Variants in CALN1 observed in about 807,000 individuals in gnomAD.
CALN1 encodes the protein calneuron 1.
CALN1 carries 17 observed loss-of-function variants against 30.6 expected under a neutral mutation model. That is an observed-to-expected ratio of 0.56 (90% CI 0.38 to 0.83). The LOEUF is 0.83. Among genes scored for constraint, CALN1 ranks in the 40% least tolerant of loss-of-function variants. The probability of loss-of-function intolerance (pLI) is 0.00; values close to 1 mark genes in which losing one functional copy is unlikely to be tolerated. For missense variants in CALN1, 291 were observed against 354.9 expected (o/e 0.82, Z 1.45); for synonymous variants, 156 against 131.4 (o/e 1.19, Z -1.28).
At chr7:72,157,982 T>C (rs1787827725) in intron 3 of CALN1, among the ~76,000 whole-genome samples, 1 of 152,196 alleles carries the variant, frequency 6.6e-6, no homozygotes, top group South Asian at 2.1e-4. Flanking sequence ...TGACCTCAGC[T>C]GATCCACCCA....
intron 2 of CALN1, among the ~76,000 whole-genome samples, chr7:72,360,176 C>G (rs2860506): frequency 0.98 from 149,764 of 152,216 alleles, 73,716 homozygotes; most frequent in Middle Eastern, 1. Flanking sequence ...ATTTTGGCCT[C>G]CATTTACTTT....
At chr7:71,800,650 G>A (rs1350633109) in intron 6 of CALN1, among the ~76,000 whole-genome samples, 2 of 152,090 alleles carry the variant, frequency 1.3e-5, no homozygotes, top group African/African-American at 4.8e-5. Context: ...GCAATGAAAT[G>A]GAAAATGAGC....
rs1792802472 is a variant in CALN1, at chr7:71,783,078, ATTC to A, written c.*4694_*4696del. 6.6e-6 allele frequency: 1 copy of A among 152,132 alleles called. No individual in the cohort carries two copies. Among genetic ancestry groups the A allele is most frequent in the Admixed American group, 6.6e-5 (1 of 15,260 alleles). 9.4% of individuals were successfully genotyped at this position (152,132 alleles called of 1,614,324 possible). On this transcript the variant is annotated 3_prime_UTR_variant, in exon 7 of 7. Coordinates refer to ENST00000395275, the MANE Select transcript of CALN1 (RefSeq NM_031468.4). ...AATGCTTCTTTTCTATTTCAGATAG[ATTC>A]TCCCCTTCTGGGGCAGTTGAGCAAT...
intron 2 of CALN1, among the ~76,000 whole-genome samples, chr7:72,294,723 G>A (rs1270283347): frequency 6.8e-6 from 1 of 147,462 alleles, no homozygotes; most frequent in Non-Finnish European, 1.5e-5. Flanking sequence ...ACTCCAGCTG[G>A]GACGACAAAG....
chr7:72,449,195 G>A (rs1808607998), upstream of CALN1, among the ~76,000 whole-genome samples: 1 of 152,206 alleles, frequency 6.6e-6, no homozygotes, highest in African/African-American at 2.4e-5. Flanking sequence ...GAAGGAAGGG[G>A]ATATATGGAC....
At chr7:72,148,104 A>AT (rs1380753506) in intron 3 of CALN1, among the ~76,000 whole-genome samples, 6 of 150,540 alleles carry the variant, frequency 4.0e-5, no homozygotes, top group Admixed American at 2.0e-4. Flanking sequence ...AAAAAAATAA[A>AT]AAAAAAAAAC....
chr7:72,118,091 T>A (rs1012220279), intron 3 of CALN1, among the ~76,000 whole-genome samples: 1 of 152,044 alleles, frequency 6.6e-6, no homozygotes, highest in African/African-American at 2.4e-5. Flanking sequence ...CTACTATGCA[T>A]CTCAGATGTC....
At chr7:72,182,441 C>G (rs559409192) in intron 3 of CALN1, among the ~76,000 whole-genome samples, 2 of 152,066 alleles carry the variant, frequency 1.3e-5, no homozygotes, top group East Asian at 3.9e-4. Flanking sequence ...TTCATTTTTC[C>G]AGATGCAGTA....
intron 5 of CALN1, among the ~76,000 whole-genome samples, chr7:71,973,032 G>A (rs2129526497): frequency 1.3e-5 from 2 of 151,204 alleles, no homozygotes; most frequent in Middle Eastern, 6.8e-3. Context: ...ACTGGAGGGT[G>A]GGTTCTTTGA....
chr7:72,388,425 A>G (rs184888531), intron 2 of CALN1, among the ~76,000 whole-genome samples: 2 of 152,254 alleles, frequency 1.3e-5, no homozygotes, highest in Non-Finnish European at 2.9e-5. Context: ...CCAAGCACAG[A>G]AAAAGGACAT....
intron 4 of CALN1, among the ~76,000 whole-genome samples, chr7:72,093,890 C>T (rs1373160712): frequency 1.3e-5 from 2 of 152,158 alleles, no homozygotes; most frequent in Non-Finnish European, 2.9e-5. Flanking sequence ...GGAGTGGGAC[C>T]TGAGATTCAG....
intron 5 of CALN1, among the ~76,000 whole-genome samples, chr7:71,998,815 C>A (rs576817643): frequency 6.6e-6 from 1 of 152,102 alleles, no homozygotes; most frequent in Non-Finnish European, 1.5e-5. Context: ...CTTGGTCTCC[C>A]AAAGTGCTGG....
intron 5 of CALN1, among the ~76,000 whole-genome samples, chr7:71,863,452 G>A (rs992610785): frequency 3.3e-5 from 5 of 150,878 alleles, no homozygotes; most frequent in African/African-American, 7.3e-5. Context: ...CAGCTACTCC[G>A]GAGGCTGAGG....
chr7:72,474,135 C>T, the CALN1 span, among the ~76,000 whole-genome samples: 636 of 152,132 alleles, frequency 4.2e-3, 2 homozygotes, highest in African/African-American at 0.014. Flanking sequence ...GCATTTCCAC[C>T]GGGAAAACAT....
chr7:72,406,365 T>G (rs1375154520), intron 1 of CALN1, among the ~76,000 whole-genome samples: 1 of 152,162 alleles, frequency 6.6e-6, no homozygotes, highest in East Asian at 1.9e-4. Flanking sequence ...CCTCACAGCC[T>G]TATGCATCTT....
intron 5 of CALN1, among the ~76,000 whole-genome samples, chr7:71,837,792 C>T (rs1381293919): frequency 6.6e-6 from 1 of 151,688 alleles, no homozygotes; most frequent in Admixed American, 6.6e-5. Context: ...AGCTATAGAA[C>T]AAAATGGAAA....
chr7:72,151,295 C>T (rs570314855), intron 3 of CALN1, among the ~76,000 whole-genome samples: 11 of 152,234 alleles, frequency 7.2e-5, no homozygotes, highest in Non-Finnish European at 1.2e-4. Context: ...CGTTCCTTGG[C>T]TTGTAGATCT....
At chr7:72,031,386 G>C (rs541491370) in intron 4 of CALN1, among the ~76,000 whole-genome samples, 70 of 152,270 alleles carry the variant, frequency 4.6e-4, no homozygotes, top group African/African-American at 1.6e-3. Flanking sequence ...CTATGTGCCA[G>C]GCACTGAGCT....
At chr7:72,073,689 C>G (rs965302162) in intron 4 of CALN1, among the ~76,000 whole-genome samples, 3 of 150,768 alleles carry the variant, frequency 2.0e-5, no homozygotes, top group Non-Finnish European at 4.4e-5. Context: ...CTCCTCTCCT[C>G]TCCTCTCCTT....
Sources: allele counts gnomAD v4.1 joint callset (sites outside exome capture counted in the v4.1 genomes callset), GRCh38; gene constraint gnomAD v4.1.1; transcripts MANE v1.5; gene names NCBI Gene and HGNC (gene_info 2026-07-23, HGNC 2026-07-21).